Variants in GALNT14 observed in about 807,000 individuals in gnomAD.
GALNT14 encodes polypeptide N-acetylgalactosaminyltransferase 14.
Under a neutral mutation model 77.5 loss-of-function variants are expected in GALNT14, and 60 were observed. That is an observed-to-expected ratio of 0.77 (90% CI 0.63 to 0.96). The LOEUF (loss-of-function observed/expected upper bound fraction) is 0.96, where lower values mean the gene tolerates loss of function less well. Ranked by LOEUF, GALNT14 falls within the 40% of genes least tolerant of loss-of-function variation. GALNT14 has a pLI of 0.00. For missense variants in GALNT14, 710 were observed against 731.0 expected (o/e 0.97, Z 0.33); for synonymous variants, 280 against 281.7 (o/e 0.99, Z 0.06).
In GALNT14 at chr2:31,096,440, G is replaced by A. The variant is rs75056288; in HGVS notation, c.129+41518C>T. ...TCTTGTCACTTCAGTTTCCTCCTATGAAGTTGAGGGCTTTAATCTAAGACA... is the reference window on the plus strand; with the variant it reads ...TCTTGTCACTTCAGTTTCCTCCTATAAAGTTGAGGGCTTTAATCTAAGACA... On this transcript the variant is annotated intron_variant, in intron 1 of 14. Coordinates refer to ENST00000349752, the MANE Select transcript of GALNT14 (RefSeq NM_024572.4). 4.1e-3 allele frequency among the ~76,000 whole-genome samples: 627 copies of A among 152,250 alleles called. 7 individuals are homozygous for A. Among genetic ancestry groups the A allele is most frequent in the African/African-American group, 0.015 (606 of 41,546 alleles).
intron 1 of GALNT14, among the ~76,000 whole-genome samples, chr2:31,070,997 G>T (rs1443022458): frequency 6.6e-6 from 1 of 152,202 alleles, no homozygotes; most frequent in East Asian, 1.9e-4. Flanking sequence ...AAGTAACTCA[G>T]AAATGGAAAA....
chr2:31,083,008 C>T (rs1428775301), intron 1 of GALNT14, among the ~76,000 whole-genome samples: 1 of 151,958 alleles, frequency 6.6e-6, no homozygotes, highest in Non-Finnish European at 1.5e-5. Context: ...CAGAGTATGA[C>T]TCCATCTCAA....
intron 1 of GALNT14, among the ~76,000 whole-genome samples, chr2:31,028,902 C>A (rs1466972162): frequency 2.6e-5 from 4 of 152,106 alleles, no homozygotes; most frequent in African/African-American, 9.7e-5. Context: ...CTGAGAGTAG[C>A]TTAAAGTTGA....
rs747140991 is a variant in GALNT14, at chr2:30,992,854, C to A, written c.283G>T (p.Asp95Tyr). Residue 95 changes from aspartate (D) to tyrosine (Y), a missense_variant, in exon 2 of 15, where the codon GAC becomes TAC. Transcript: ENST00000349752. ...ERISSNRAIP[D>Y]TRHLRCTLLV... is the part of the protein sequence containing the mutation. ...AGGAAGTACCTCAGATGGCGAGTGT[C>A]CGGGATGGCCCGATTGCTGGAGATC... The A allele has an allele frequency of 6.2e-7, 1 of 1,613,980 alleles. No individual in the cohort carries two copies. Among genetic ancestry groups the A allele is most frequent in the South Asian group, 1.1e-5 (1 of 91,076 alleles).
At chr2:30,997,784 G>C (rs895216395) in intron 1 of GALNT14, among the ~76,000 whole-genome samples, 1 of 152,154 alleles carries the variant, frequency 6.6e-6, no homozygotes, top group African/African-American at 2.4e-5. Flanking sequence ...GATCAAATCA[G>C]GCTAATTAAC....
chr2:31,089,378 T>C (rs1248116059), intron 1 of GALNT14, among the ~76,000 whole-genome samples: 6 of 152,064 alleles, frequency 3.9e-5, no homozygotes, highest in Admixed American at 3.9e-4. Context: ...AATAATTACT[T>C]GTTAACTGGC....
intron 1 of GALNT14, among the ~76,000 whole-genome samples, chr2:31,040,891 T>C (rs1673057694): frequency 6.6e-6 from 1 of 152,192 alleles, no homozygotes; most frequent in African/African-American, 2.4e-5. Flanking sequence ...AATGAAAGAA[T>C]AAACAAACCC....
chr2:30,983,919 T>C (rs1016639239), intron 2 of GALNT14, among the ~76,000 whole-genome samples: 3 of 152,050 alleles, frequency 2.0e-5, no homozygotes, highest in Non-Finnish European at 2.9e-5. Flanking sequence ...ATCTGAAAAA[T>C]TGATTTTGCA....
chr2:31,075,848 G>C (rs1250383842), intron 1 of GALNT14, among the ~76,000 whole-genome samples: 1 of 152,234 alleles, frequency 6.6e-6, no homozygotes, highest in Non-Finnish European at 1.5e-5. Flanking sequence ...AAGTTCTACA[G>C]ACACATTCGT....
In GALNT14 at chr2:30,941,976, G is replaced by A. The variant is rs138578522; in HGVS notation, c.931+225C>T. On this transcript the variant is annotated intron_variant, in intron 9 of 14. Coordinates refer to ENST00000349752, the MANE Select transcript of GALNT14 (RefSeq NM_024572.4). ...CCTGGTTCTCAACATCCATGCAGCC[G>A]CCTCATGGAGAGATTCCCTTATTAT... Among the ~76,000 whole-genome samples the A allele has an allele frequency of 2.9e-3, 441 of 152,200 alleles. 2 individuals carry two copies. Among genetic ancestry groups the A allele is most frequent in the Non-Finnish European group, 4.4e-3 (296 of 68,018 alleles).
intron 1 of GALNT14, among the ~76,000 whole-genome samples, chr2:31,107,944 C>A (rs1326130279): frequency 1.3e-5 from 2 of 152,166 alleles, no homozygotes; most frequent in African/African-American, 4.8e-5. Flanking sequence ...TAGGATCTTA[C>A]CCCACACCTC....
intron 1 of GALNT14, among the ~76,000 whole-genome samples, chr2:31,122,119 T>C (rs1573379378): frequency 6.6e-6 from 1 of 152,140 alleles, no homozygotes; most frequent in African/African-American, 2.4e-5. Flanking sequence ...GAGTGGTGGG[T>C]GTCCCAGAAG....
the GALNT14 span, among the ~76,000 whole-genome samples, chr2:30,904,242 A>G: frequency 1.9e-4 from 29 of 152,228 alleles, no homozygotes; most frequent in Non-Finnish European, 3.8e-4. Context: ...TCCCGTCTAC[A>G]GCTCCCAGCG....
intron 1 of GALNT14, among the ~76,000 whole-genome samples, chr2:31,021,302 T>C (rs558208546): frequency 2.6e-5 from 4 of 152,230 alleles, no homozygotes; most frequent in African/African-American, 9.6e-5. Flanking sequence ...TTCTTTTCTT[T>C]TTTTTATTTT....
rs146722344 is a variant in GALNT14, at chr2:31,131,338, C to T, written c.129+6620G>A. 3.2e-3 allele frequency among the ~76,000 whole-genome samples: 489 copies of T among 152,228 alleles called. 2 individuals carry two copies. Among genetic ancestry groups the T allele is most frequent in the Admixed American group, 6.5e-3 (99 of 15,288 alleles). ...ACAGGCAAGTGGCAGGGGCCTGCAG[C>T]CAGTGGTAGAGGGCACGGGCATGTC... On this transcript the variant is annotated intron_variant, in intron 1 of 14. Transcript: ENST00000349752.
intron 1 of GALNT14, among the ~76,000 whole-genome samples, chr2:31,113,588 CT>C (rs1677946521): frequency 6.6e-6 from 1 of 152,154 alleles, no homozygotes; most frequent in Non-Finnish European, 1.5e-5. Flanking sequence ...CCTTCTGGTG[CT>C]GCAAGGAACC....
At chr2:30,998,560 G>A (rs189816951) in intron 1 of GALNT14, among the ~76,000 whole-genome samples, 49 of 152,312 alleles carry the variant, frequency 3.2e-4, no homozygotes, top group East Asian at 5.8e-4. Flanking sequence ...TGAAGAGAAC[G>A]TCTCAAATTT....
chr2:30,913,327 C>T (rs1384049329), intron 13 of GALNT14, among the ~76,000 whole-genome samples: 1 of 152,180 alleles, frequency 6.6e-6, no homozygotes, highest in African/African-American at 2.4e-5. Context: ...GTTTCCACCA[C>T]ATCCCTGAAA....
At chr2:31,078,743 G>T (rs1675968897) in intron 1 of GALNT14, among the ~76,000 whole-genome samples, 1 of 152,164 alleles carries the variant, frequency 6.6e-6, no homozygotes, top group Admixed American at 6.5e-5. Context: ...AAGCTAGATT[G>T]CATGGTGAGA....
Sources: allele counts gnomAD v4.1 joint callset (sites outside exome capture counted in the v4.1 genomes callset), GRCh38; gene constraint gnomAD v4.1.1; transcripts MANE v1.5; gene names NCBI Gene and HGNC (gene_info 2026-07-23, HGNC 2026-07-21).